The following PHLDB2 variants were observed in gnomAD, a reference collection of about 807,000 sequenced individuals.
PHLDB2 encodes the protein pleckstrin homology-like domain family B member 2.
PHLDB2 carries 71 observed loss-of-function variants against 123.6 expected under a neutral mutation model. The ratio of observed to expected loss-of-function variants is 0.57; its 90% CI spans 0.47 to 0.70. PHLDB2 has a LOEUF of 0.70. Among genes scored for constraint, PHLDB2 ranks in the 30% least tolerant of loss-of-function variants. The pLI is 0.00. For synonymous variants in PHLDB2, 547 were observed against 541.6 expected (o/e 1.01, Z -0.14); for missense variants, 1,446 against 1,519.5 (o/e 0.95, Z 0.80).
At chr3:111,933,304 G>A (rs2069250287) in intron 6 of PHLDB2, among the ~76,000 whole-genome samples, 1 of 152,188 alleles carries the variant, frequency 6.6e-6, no homozygotes, top group South Asian at 2.1e-4. Context: ...TAACAAGCTA[G>A]TTTCATCCAT....
rs1047312638 is a variant in PHLDB2 at position 111,859,267 on chromosome 3, T to G, written c.-324T>G. The stretch of plus-strand genomic sequence containing the variant: ...AAAAGCCTGCCACGAAAGTCCCTAC[T>G]GCGTTGCTGCGAACGTAGCTTTGAG... On this transcript the variant is annotated 5_prime_UTR_variant, in exon 1 of 18. Coordinates refer to ENST00000431670, the MANE Select transcript of PHLDB2 (RefSeq NM_001134438.2). 9 of 985,416 alleles carry G rather than the reference T, an allele frequency of 9.1e-6. No homozygotes were observed. The highest frequency in any genetic ancestry group is 1.7e-5 in the African/African-American group (1 of 57,256). 61.0% of individuals were successfully genotyped at this position (985,416 alleles called of 1,614,324 possible). A position where few individuals can be genotyped will look rare whatever the true frequency, so the allele number is the denominator to read the frequency against.
intron 1 of PHLDB2, among the ~76,000 whole-genome samples, chr3:111,883,568 T>C (rs753160917): frequency 7.2e-5 from 11 of 152,214 alleles, no homozygotes; most frequent in Non-Finnish European, 1.5e-4. Context: ...AACCCTCATG[T>C]TATTGATCAG....
intron 1 of PHLDB2, among the ~76,000 whole-genome samples, chr3:111,797,808 C>A (rs1036036003): frequency 6.6e-6 from 1 of 152,082 alleles, no homozygotes; most frequent in Non-Finnish European, 1.5e-5. Flanking sequence ...AGTGATTTGC[C>A]GAAAGCTACG....
chr3:111,737,452 G>A (rs764962475), intron 1 of PHLDB2, among the ~76,000 whole-genome samples: 14 of 152,114 alleles, frequency 9.2e-5, no homozygotes, highest in Non-Finnish European at 1.6e-4. Context: ...TTCTGCCCCT[G>A]ACCCACCCAA....
intron 1 of PHLDB2, among the ~76,000 whole-genome samples, chr3:111,824,041 G>A (rs926969641): frequency 1.3e-5 from 2 of 152,154 alleles, no homozygotes; most frequent in African/African-American, 4.8e-5. Flanking sequence ...TAAGAGCAGG[G>A]CAGTCAGTCA....
intron 14 of PHLDB2, 126 bp from the exon 15 acceptor site, chr3:111,967,552 G>A (rs1474438192): frequency 2.0e-6 from 2 of 976,794 alleles, no homozygotes; most frequent in Non-Finnish European, 2.8e-6. Flanking sequence ...TGTAGGTTAT[G>A]TATTATAAGA....
chr3:111,740,057 A>G (rs2059577603), intron 1 of PHLDB2, among the ~76,000 whole-genome samples: 1 of 152,170 alleles, frequency 6.6e-6, no homozygotes, highest in South Asian at 2.1e-4. Context: ...GTATGAGAGA[A>G]GGCAGCCCGG....
chr3:111,829,983 G>A (rs201392814), intron 1 of PHLDB2, among the ~76,000 whole-genome samples: 2 of 140,240 alleles, frequency 1.4e-5, no homozygotes. Context: ...GCAAAACCAA[G>A]AATTCCTAAA....
At chr3:111,952,318 A>G (rs2070764828) in intron 10 of PHLDB2, among the ~76,000 whole-genome samples, 2 of 152,208 alleles carry the variant, frequency 1.3e-5, no homozygotes, top group African/African-American at 4.8e-5. Context: ...TGAGGCCCCA[A>G]GGCCGCAGGC....
chr3:111,973,589 A>G (rs906893860), intron 16 of PHLDB2, 143 bp from the exon 17 acceptor site: 1 of 466,968 alleles, frequency 2.1e-6, no homozygotes, highest in African/African-American at 2.1e-5. Context: ...AAGGGGCCTC[A>G]TGCACTAGCC....
At chr3:111,761,459 C>A (rs1236485052) in intron 1 of PHLDB2, among the ~76,000 whole-genome samples, 2 of 152,178 alleles carry the variant, frequency 1.3e-5, no homozygotes, top group Admixed American at 6.5e-5. Context: ...ATTTATCACA[C>A]AAGATGGGAC....
intron 1 of PHLDB2, among the ~76,000 whole-genome samples, chr3:111,787,160 A>G (rs1310725279): frequency 6.6e-6 from 1 of 152,210 alleles, no homozygotes; most frequent in Non-Finnish European, 1.5e-5. Context: ...TTTAACTGCC[A>G]TAGTGTCAGA....
chr3:111,970,006 T>C lies in PHLDB2; in HGVS notation c.3535+97T>C, dbSNP rs547906386. On this transcript the variant is annotated intron_variant, in intron 16 of 17. Transcript: ENST00000431670. ...AATTCAGTGTAAATAGGTAGGTTGATACATAACAGAATTAATGGCAATATT... is the reference window on the plus strand; with the variant it reads ...AATTCAGTGTAAATAGGTAGGTTGACACATAACAGAATTAATGGCAATATT... 4.2e-5 allele frequency: 46 copies of C among 1,101,496 alleles called. No individual in the cohort carries two copies. In the East Asian group the frequency reaches 1.1e-3, roughly 26 times the overall value. The allele number at this position is 1,101,496 out of a possible 1,614,324, so 68.2% of individuals were successfully genotyped here.
chr3:111,929,675 C>T (rs2069002756), intron 5 of PHLDB2, among the ~76,000 whole-genome samples: 1 of 152,094 alleles, frequency 6.6e-6, no homozygotes, highest in Non-Finnish European at 1.5e-5. Context: ...GATTTATAGC[C>T]AGGCCCACCT....
At chr3:111,773,208 T>C (rs1294040777) in intron 1 of PHLDB2, among the ~76,000 whole-genome samples, 1 of 152,210 alleles carries the variant, frequency 6.6e-6, no homozygotes, top group Non-Finnish European at 1.5e-5. Flanking sequence ...CAGAAAAGCG[T>C]ATTCATTAAA....
At chr3:111,822,317 G>GTGTGTGTGTGTGTGTGTGTGTA (rs1553734228) in intron 1 of PHLDB2, among the ~76,000 whole-genome samples, 166 of 147,896 alleles carry the variant, frequency 1.1e-3, no homozygotes, top group African/African-American at 4.0e-3. Flanking sequence ...GTGTGTGTGT[G>GTGTGTGTGTGTGTGTGTGTGTA]TATATATATA....
intron 16 of PHLDB2, among the ~76,000 whole-genome samples, chr3:111,972,503 C>A (rs1436991688): frequency 7.3e-6 from 1 of 136,378 alleles, no homozygotes; most frequent in African/African-American, 2.5e-5. Flanking sequence ...AAGTAAGTCT[C>A]TTTATCATTA....
chr3:111,947,029 C>T (rs185040503), intron 9 of PHLDB2, among the ~76,000 whole-genome samples: 11 of 152,048 alleles, frequency 7.2e-5, no homozygotes, highest in South Asian at 2.1e-4. Flanking sequence ...GGAAGGTGTC[C>T]GGAATCATGC....
intron 1 of PHLDB2, among the ~76,000 whole-genome samples, chr3:111,809,983 C>T (rs2061758106): frequency 1.3e-5 from 2 of 152,182 alleles, no homozygotes; most frequent in Admixed American, 6.5e-5. Flanking sequence ...TGCATCACTG[C>T]ACCCAGGTAA....
Sources: allele counts gnomAD v4.1 joint callset (sites outside exome capture counted in the v4.1 genomes callset), GRCh38; gene constraint gnomAD v4.1.1; transcripts MANE v1.5; gene names NCBI Gene and HGNC (gene_info 2026-07-23, HGNC 2026-07-21).